The following PRKCB variants were observed in gnomAD, a reference collection of about 807,000 sequenced individuals.
PRKCB encodes the protein protein kinase C beta type.
In PRKCB, 13 loss-of-function variants were observed where a neutral mutation model predicts 81.5. The ratio of observed to expected loss-of-function variants is 0.16; its 90% CI spans 0.10 to 0.25. The LOEUF is 0.25. PRKCB is among the 10% of genes least tolerant of loss of function. The probability of loss-of-function intolerance (pLI) is 1.00; values close to 1 mark genes in which losing one functional copy is unlikely to be tolerated. For synonymous variants in PRKCB, 335 were observed against 321.4 expected (o/e 1.04, Z -0.45); for missense variants, 509 against 875.7 (o/e 0.58, Z 5.29).
chr16:23,845,762 C>A (rs529035399), intron 2 of PRKCB, among the ~76,000 whole-genome samples: 1 of 152,202 alleles, frequency 6.6e-6, no homozygotes, highest in South Asian at 2.1e-4. Context: ...GGCTTCTTTC[C>A]CAGTTTGACA....
chr16:23,914,085 C>T (rs572768170), intron 2 of PRKCB, among the ~76,000 whole-genome samples: 2 of 152,284 alleles, frequency 1.3e-5, no homozygotes, highest in South Asian at 4.1e-4. Context: ...TCACTGCAGC[C>T]TCAAATTCCC....
At chr16:23,878,032 C>T (rs1219809923) in intron 2 of PRKCB, among the ~76,000 whole-genome samples, 1 of 152,182 alleles carries the variant, frequency 6.6e-6, no homozygotes, top group African/African-American at 2.4e-5. Context: ...TGGGGTTTCA[C>T]CACGTTGGCC....
At chr16:23,916,247 C>T (rs545710269) in intron 2 of PRKCB, among the ~76,000 whole-genome samples, 5 of 122,658 alleles carry the variant, frequency 4.1e-5, no homozygotes, top group South Asian at 2.5e-4. Context: ...TTTTTTGAGA[C>T]GAGGTCTTAC....
At chr16:24,075,671 T>C (rs1200164021) in intron 5 of PRKCB, among the ~76,000 whole-genome samples, 1 of 152,040 alleles carries the variant, frequency 6.6e-6, no homozygotes, top group African/African-American at 2.4e-5. Flanking sequence ...AACAACGAGG[T>C]TGCAAATGGT....
chr16:23,995,285 C>T (rs1483912193), intron 3 of PRKCB, among the ~76,000 whole-genome samples: 1 of 152,060 alleles, frequency 6.6e-6, no homozygotes, highest in Non-Finnish European at 1.5e-5. Context: ...TCAGTAGGGC[C>T]CAGAACAGTA....
chr16:24,187,699 A>G (rs378099), intron 15 of PRKCB, among the ~76,000 whole-genome samples: 14,055 of 82,354 alleles, frequency 0.17, 753 homozygotes, highest in South Asian at 0.28. Flanking sequence ...GTTTTGTTTT[A>G]TCAATGTCTC....
chr16:23,990,697 GCCAC>G (rs765282808), intron 3 of PRKCB, among the ~76,000 whole-genome samples: 7 of 151,890 alleles, frequency 4.6e-5, no homozygotes, highest in Non-Finnish European at 8.8e-5. Flanking sequence ...ACAAGTGCAT[GCCAC>G]CACACCTGGC....
At chr16:24,065,432 A>T (rs1204395359) in intron 5 of PRKCB, among the ~76,000 whole-genome samples, 1 of 152,230 alleles carries the variant, frequency 6.6e-6, no homozygotes, top group East Asian at 1.9e-4. Flanking sequence ...AATTTAATAT[A>T]TTAGTACTTT....
chr16:24,203,490 A>C (rs1967994957), intron 16 of PRKCB, among the ~76,000 whole-genome samples: 1 of 152,096 alleles, frequency 6.6e-6, no homozygotes, highest in Non-Finnish European at 1.5e-5. Context: ...CCCACCTCTC[A>C]ACACTGTTGC....
chr16:23,961,068 G>T (rs1462324347), intron 2 of PRKCB, among the ~76,000 whole-genome samples: 1 of 151,934 alleles, frequency 6.6e-6, no homozygotes, highest in Non-Finnish European at 1.5e-5. Flanking sequence ...AAATTTGCTA[G>T]ATTTTTGCTT....
At chr16:24,185,630 G>A in intron 15 of PRKCB, 63 bp downstream of exon 15, 1 of 1,386,524 alleles carries the variant, frequency 7.2e-7, no homozygotes, top group East Asian at 2.3e-5. Flanking sequence ...GCTGTACCTT[G>A]CCCAAGAACA....
At position 23,836,211 on chromosome 16, in the gene PRKCB, G is replaced by A. The variant is rs1394092955; in HGVS notation, c.36G>A (p.Glu12=). The A allele has an allele frequency of 4.4e-6, 7 of 1,576,362 alleles. No homozygotes were observed. Among genetic ancestry groups the A allele is most frequent in the Admixed American group, 1.8e-5 (1 of 56,034 alleles). The change falls in exon 1 of 17, where the codon GAG becomes GAA. Residue 12 remains glutamate (E), a synonymous_variant. Coordinates refer to ENST00000643927, the MANE Select transcript of PRKCB (RefSeq NM_002738.7). ...ADPAAGPPPS[E]GEESTVRFAR... is the part of the protein sequence containing the mutation. ...CGGCTGCGGGGCCGCCGCCGAGCGAGGGCGAGGAGAGCACCGTGCGCTTCG... is the reference window on the plus strand; with the variant it reads ...CGGCTGCGGGGCCGCCGCCGAGCGAAGGCGAGGAGAGCACCGTGCGCTTCG...
intron 2 of PRKCB, among the ~76,000 whole-genome samples, chr16:23,875,105 G>A (rs1962972973): frequency 6.7e-6 from 1 of 150,116 alleles, no homozygotes; most frequent in Non-Finnish European, 1.5e-5. Context: ...AGCACGATCA[G>A]GACTCAATGC....
intron 10 of PRKCB, 130 bp downstream of exon 10, chr16:24,154,987 C>A: frequency 8.9e-7 from 1 of 1,126,798 alleles, no homozygotes; most frequent in Non-Finnish European, 1.2e-6. Context: ...AGATGTAAGG[C>A]CCAGGGAAGT....
intron 5 of PRKCB, among the ~76,000 whole-genome samples, chr16:24,041,706 A>C (rs1965699969): frequency 6.6e-6 from 1 of 152,134 alleles, no homozygotes; most frequent in South Asian, 2.1e-4. Context: ...AAAGAGTACC[A>C]AAGAGGCTGA....
intron 7 of PRKCB, among the ~76,000 whole-genome samples, chr16:24,094,913 C>CAGGA (rs1287844217): frequency 2.8e-5 from 4 of 144,502 alleles, no homozygotes; most frequent in Non-Finnish European, 6.1e-5. Flanking sequence ...AGACGGAAAG[C>CAGGA]AGGAAGGAAG....
chr16:24,187,370 C>T (rs752783807), intron 15 of PRKCB, among the ~76,000 whole-genome samples: 4 of 152,174 alleles, frequency 2.6e-5, no homozygotes, highest in Admixed American at 6.5e-5. Flanking sequence ...AGTTGTTTGA[C>T]GGCATCTGCA....
At chr16:23,881,752 A>G (rs1963111371) in intron 2 of PRKCB, among the ~76,000 whole-genome samples, 1 of 152,050 alleles carries the variant, frequency 6.6e-6, no homozygotes, top group Admixed American at 6.5e-5. Flanking sequence ...AAGTACATTT[A>G]CATTGTTGTG....
chr16:23,890,886 CA>C (rs1893213945), intron 2 of PRKCB, among the ~76,000 whole-genome samples: 1 of 152,090 alleles, frequency 6.6e-6, no homozygotes, highest in South Asian at 2.1e-4. Flanking sequence ...AGACTCTGAT[CA>C]AATGTCCATT....
Sources: allele counts gnomAD v4.1 joint callset (sites outside exome capture counted in the v4.1 genomes callset), GRCh38; gene constraint gnomAD v4.1.1; transcripts MANE v1.5; gene names NCBI Gene and HGNC (gene_info 2026-07-23, HGNC 2026-07-21).